XKR6: variants seen among roughly 807,000 people sequenced by gnomAD.
XKR6 encodes XK related 6.
XKR6 carries 22 observed loss-of-function variants against 56.7 expected under a neutral mutation model. The ratio of observed to expected loss-of-function variants is 0.39; its 90% confidence interval spans 0.28 to 0.55. The LOEUF (loss-of-function observed/expected upper bound fraction) is 0.55, where lower values mean the gene tolerates loss of function less well. Among genes scored for constraint, XKR6 ranks in the 20% least tolerant of loss-of-function variants. The pLI is 0.66. For missense variants in XKR6, 852 were observed against 889.0 expected, an observed-to-expected ratio of 0.96 and a Z score of 0.53; for synonymous variants, 524 against 387.8, an observed-to-expected ratio of 1.35 and a Z score of -4.13.
intron 1 of XKR6, chr8:11,106,733 C>A (rs1798689657): frequency 6.6e-6 from 1 of 151,156 alleles, no homozygotes; most frequent in African/African-American, 2.5e-5. Context: ...ACCTGTGGTC[C>A]CAGCTACTCA....
rs116740067 is a variant in XKR6 at position 10,953,406 on chromosome 8, T to A, written c.765-28576A>T. On this transcript the variant is annotated intron_variant, in intron 1 of 2. Transcript: ENST00000416569. ...CCTGCTCCCCCTTGGCCTTCCACCA[T>A]GACTGTAAGCTTCTGAGGCCTCCCT... 4.4e-3 allele frequency among the ~76,000 whole-genome samples: 676 copies of A among 152,282 alleles called. 4 individuals carry two copies. Among genetic ancestry groups the A allele is most frequent in the African/African-American group, 0.015 (644 of 41,554 alleles).
chr8:11,041,793 C>A (rs529375020), intron 1 of XKR6, among the ~76,000 whole-genome samples: 1 of 152,154 alleles, frequency 6.6e-6, no homozygotes, highest in Non-Finnish European at 1.5e-5. Context: ...TGGGACCTTA[C>A]GCTACTGGTG....
Position 11,200,548 on chromosome 8 carries a change from G to T in XKR6, c.764+28C>A. On this transcript the variant is annotated intron_variant, in intron 1 of 2. Coordinates refer to ENST00000416569, the MANE Select transcript of XKR6 (RefSeq NM_173683.4). This position sits in a 1 kb window ranked among gnomAD's most constrained non-coding sequence, Gnocchi z 6.4. ...GGCGGAGGGGGGCTCCTCAGGGCCG[G>T]CCCGCCCCCACCCCGCAGTGCTCTT... is the stretch of plus-strand genomic sequence containing the variant. The T allele has an allele frequency of 7.0e-7, 1 of 1,437,328 alleles. No homozygotes were observed. Among genetic ancestry groups the T allele is most frequent in the Non-Finnish European group, 9.1e-7 (1 of 1,104,862 alleles). The allele number at this position is 1,437,328 out of a possible 1,614,324, so 89.0% of individuals were successfully genotyped here.
chr8:11,024,590 C>T (rs1004116250), intron 1 of XKR6, among the ~76,000 whole-genome samples: 16 of 152,246 alleles, frequency 1.1e-4, no homozygotes, highest in Non-Finnish European at 2.2e-4. Flanking sequence ...CTCTCCCAGA[C>T]TTCATCTGTC....
intron 1 of XKR6, among the ~76,000 whole-genome samples, chr8:11,028,302 A>G (rs940379014): frequency 6.6e-6 from 1 of 152,130 alleles, no homozygotes; most frequent in Non-Finnish European, 1.5e-5. Context: ...CTTTTTTAGC[A>G]CTGAATGATA....
At chr8:10,993,363 T>C (rs759199611) in intron 1 of XKR6, among the ~76,000 whole-genome samples, 1 of 152,052 alleles carries the variant, frequency 6.6e-6, no homozygotes, top group African/African-American at 2.4e-5. Context: ...GGTGACATCA[T>C]AGAAGGAAGA....
At chr8:11,019,845 G>T (rs1020985069) in intron 1 of XKR6, among the ~76,000 whole-genome samples, 5 of 152,190 alleles carry the variant, frequency 3.3e-5, no homozygotes, top group Admixed American at 2.0e-4. Flanking sequence ...CTGTACTTCC[G>T]TGTAAGCTCA....
rs1395155483 is a variant in XKR6 at position 11,035,270 on chromosome 8, G to A, written c.765-110440C>T. The A allele has an allele frequency of 1.3e-5, 7 of 534,630 alleles. No individual in the cohort carries two copies. The Admixed American group carries it at 1.4e-4, about 10-fold the overall frequency. 33.1% of individuals were successfully genotyped at this position (534,630 alleles called of 1,614,324 possible). ...ACCCCATTTCCAGCTCACACCATCG[G>A]GATCACCGCCAGCATCAGCAGCATC... On this transcript the variant is annotated intron_variant, in intron 1 of 2. Coordinates refer to ENST00000416569, the MANE Select transcript of XKR6 (RefSeq NM_173683.4).
chr8:11,110,037 A>C (rs1460721315), intron 1 of XKR6, among the ~76,000 whole-genome samples: 1 of 152,092 alleles, frequency 6.6e-6, no homozygotes, highest in African/African-American at 2.4e-5. Flanking sequence ...CAGTGACACA[A>C]TCTCGGCTTA....
chr8:11,036,261 T>C (rs1033317663), intron 1 of XKR6, among the ~76,000 whole-genome samples: 3 of 152,194 alleles, frequency 2.0e-5, no homozygotes, highest in African/African-American at 7.2e-5. Context: ...AAGTTCCTTC[T>C]TACCAGGCAG....
chr8:11,041,547 C>T (rs1305205896), intron 1 of XKR6, among the ~76,000 whole-genome samples: 2 of 123,814 alleles, frequency 1.6e-5, no homozygotes, highest in African/African-American at 4.7e-5. Context: ...CAGAGCAAGA[C>T]TTTGTCTCAA....
intron 1 of XKR6, among the ~76,000 whole-genome samples, chr8:10,974,164 G>A (rs1248476210): frequency 6.6e-6 from 1 of 152,230 alleles, no homozygotes; most frequent in African/African-American, 2.4e-5. Flanking sequence ...ACCCCAGGAG[G>A]TACTTGGCAG....
At chr8:11,030,516 C>T (rs1406053650) in intron 1 of XKR6, among the ~76,000 whole-genome samples, 1 of 152,148 alleles carries the variant, frequency 6.6e-6, no homozygotes, top group Non-Finnish European at 1.5e-5. Context: ...CTAGTGACAA[C>T]CCGCAGCAAA....
At chr8:10,969,884 C>T (rs1327520691) in intron 1 of XKR6, among the ~76,000 whole-genome samples, 1 of 152,248 alleles carries the variant, frequency 6.6e-6, no homozygotes, top group Non-Finnish European at 1.5e-5. Flanking sequence ...ATGGGATATG[C>T]TGCCGTCCCG....
intron 1 of XKR6, among the ~76,000 whole-genome samples, chr8:10,942,194 G>A (rs1195472138): frequency 6.6e-6 from 1 of 151,972 alleles, no homozygotes; most frequent in Non-Finnish European, 1.5e-5. Flanking sequence ...ATACACACAC[G>A]GCATTCACAA....
chr8:10,921,341 C>T (rs1800710032), intron 2 of XKR6, among the ~76,000 whole-genome samples: 1 of 152,220 alleles, frequency 6.6e-6, no homozygotes, highest in Non-Finnish European at 1.5e-5. Flanking sequence ...AGCCCATAAA[C>T]TCCTGAAGGA....
intron 1 of XKR6, among the ~76,000 whole-genome samples, chr8:11,020,220 A>C (rs1798719080): frequency 6.6e-6 from 1 of 152,150 alleles, no homozygotes; most frequent in African/African-American, 2.4e-5. Flanking sequence ...TCAGGCTCTC[A>C]GTGGAGCCAG....
intron 1 of XKR6, among the ~76,000 whole-genome samples, chr8:11,003,117 G>T (rs1044565015): frequency 6.6e-6 from 1 of 152,146 alleles, no homozygotes; most frequent in African/African-American, 2.4e-5. Flanking sequence ...GGTTAATTCA[G>T]GAAGCATCAA....
intron 1 of XKR6, among the ~76,000 whole-genome samples, chr8:11,014,031 C>T (rs1798558066): frequency 6.6e-6 from 1 of 152,186 alleles, no homozygotes; most frequent in South Asian, 2.1e-4. Context: ...GCCTAACGGG[C>T]CAGAAGGGAT....
Sources: gnomAD v4.1 joint callset for allele counts (sites outside exome capture counted in the v4.1 genomes callset) on GRCh38, gnomAD v4.1.1 for gene constraint, Gnocchi (gnomAD v3.1) non-coding constraint, MANE v1.5 for transcripts, NCBI Gene and HGNC (gene_info 2026-07-23, HGNC 2026-07-21) for gene names.